Variants in RAB30 observed in about 807,000 individuals in gnomAD.
The protein encoded by RAB30 is RAB30, member RAS oncogene family.
In RAB30, 9 loss-of-function variants were observed where a neutral mutation model predicts 25.1. The ratio of observed to expected loss-of-function variants is 0.36; its 90% confidence interval spans 0.22 to 0.63. The LOEUF is 0.63. Ranked by LOEUF, RAB30 falls within the 20% of genes least tolerant of loss-of-function variation. The pLI is 0.69. For synonymous variants in RAB30, 77 were observed against 86.4 expected, an observed-to-expected ratio of 0.89 and a Z score of 0.60; for missense variants, 140 against 243.5, an observed-to-expected ratio of 0.58 and a Z score of 2.83.
At chr11:83,063,140 G>T (rs1020249397) in intron 1 of RAB30, among the ~76,000 whole-genome samples, 4 of 152,074 alleles carry the variant, frequency 2.6e-5, no homozygotes, top group Admixed American at 6.5e-5. Context: ...CAGGGTTCCT[G>T]TTAGGGCAAA....
intron 1 of RAB30, among the ~76,000 whole-genome samples, chr11:83,044,912 T>G (rs1858203459): frequency 6.6e-6 from 1 of 152,152 alleles, no homozygotes; most frequent in Non-Finnish European, 1.5e-5. Context: ...CTCTACAAAC[T>G]TCATCAGATT....
At chr11:83,064,749 T>C (rs1275661924) in intron 1 of RAB30, among the ~76,000 whole-genome samples, 2 of 152,212 alleles carry the variant, frequency 1.3e-5, no homozygotes, top group Non-Finnish European at 2.9e-5. Flanking sequence ...CAGCTGATCA[T>C]ATACCAATAT....
At chr11:83,010,619 G>A (rs1857282806) in intron 1 of RAB30, among the ~76,000 whole-genome samples, 1 of 152,016 alleles carries the variant, frequency 6.6e-6, no homozygotes, top group Non-Finnish European at 1.5e-5. Flanking sequence ...CATGGGACAG[G>A]TACACATATA....
rs550465903 is a variant in RAB30, at chr11:83,039,503, A to G, written c.-9+32188T>C. On this transcript the variant is annotated intron_variant, in intron 1 of 4. Coordinates refer to ENST00000527633, the MANE Select transcript of RAB30 (RefSeq NM_001286060.2). ...AGACCAGCCTGGGCAACATGGCAAAACTCCATCTCTTCAAAAAATACAAAA... is the reference window on the plus strand; with the variant it reads ...AGACCAGCCTGGGCAACATGGCAAAGCTCCATCTCTTCAAAAAATACAAAA... Among the ~76,000 whole-genome samples the G allele has an allele frequency of 1.7e-4, 26 of 152,162 alleles. No homozygotes were observed. In the South Asian group the frequency reaches 5.4e-3, roughly 32 times the overall value.
chr11:83,027,898 A>G (rs981648948), intron 1 of RAB30, among the ~76,000 whole-genome samples: 2 of 152,126 alleles, frequency 1.3e-5, no homozygotes, highest in Non-Finnish European at 2.9e-5. Context: ...ATGAAATCCT[A>G]CACTCTGTGG....
chr11:83,065,918 C>T (rs1010168866), intron 1 of RAB30, among the ~76,000 whole-genome samples: 4 of 152,138 alleles, frequency 2.6e-5, no homozygotes, highest in African/African-American at 9.7e-5. Flanking sequence ...CGTATGAACT[C>T]CAGCACATAA....
At chr11:83,068,791 T>C (rs926719425) in intron 1 of RAB30, among the ~76,000 whole-genome samples, 1 of 152,214 alleles carries the variant, frequency 6.6e-6, no homozygotes, top group Non-Finnish European at 1.5e-5. Flanking sequence ...CCTCCAAGTC[T>C]CTTGAAGTGT....
chr11:83,010,706 A>G (rs905094569), intron 1 of RAB30, among the ~76,000 whole-genome samples: 2 of 152,206 alleles, frequency 1.3e-5, no homozygotes, highest in African/African-American at 4.8e-5. Context: ...AAAAGCCATA[A>G]AAGAATCCAA....
At chr11:83,019,343 A>G (rs890260757) in intron 1 of RAB30, among the ~76,000 whole-genome samples, 15 of 152,330 alleles carry the variant, frequency 9.8e-5, no homozygotes, top group Admixed American at 2.6e-4. Context: ...TTTTTTTAAA[A>G]AATAACAACT....
chr11:83,028,768 C>T (rs1477751291), intron 1 of RAB30, among the ~76,000 whole-genome samples: 2 of 152,176 alleles, frequency 1.3e-5, no homozygotes, highest in Admixed American at 6.5e-5. Context: ...ATATTCCATG[C>T]ACCGTTTTAT....
chr11:83,038,000 T>C (rs1168031174), intron 1 of RAB30, among the ~76,000 whole-genome samples: 1 of 151,972 alleles, frequency 6.6e-6, no homozygotes, highest in East Asian at 1.9e-4. Context: ...ATAAGCTGCC[T>C]TGGGAGTGGG....
intron 1 of RAB30, among the ~76,000 whole-genome samples, chr11:83,005,045 G>A (rs534406537): frequency 6.6e-6 from 1 of 152,246 alleles, no homozygotes; most frequent in East Asian, 1.9e-4. Flanking sequence ...ACCCACCTGT[G>A]CTGTGGCTGC....
chr11:83,014,670 G>GAAAGA (rs1555035158), intron 1 of RAB30, among the ~76,000 whole-genome samples: 2 of 145,684 alleles, frequency 1.4e-5, no homozygotes, highest in Middle Eastern at 3.3e-3. Context: ...AAGAAAGAAA[G>GAAAGA]AAAGAAAGAA....
intron 1 of RAB30, among the ~76,000 whole-genome samples, chr11:83,019,664 T>C (rs931916680): frequency 6.6e-6 from 1 of 152,228 alleles, no homozygotes. Context: ...AAGTTACTAG[T>C]ACACACAAAT....
chr11:83,032,382 CATT>C (rs1255399221), intron 1 of RAB30, among the ~76,000 whole-genome samples: 19 of 152,160 alleles, frequency 1.2e-4, no homozygotes, highest in African/African-American at 4.3e-4. Context: ...TCAGGATAAT[CATT>C]ATGTCTGGTG....
At position 82,974,974 on chromosome 11, in the gene RAB30, A is replaced by G. The variant is rs892925350; in HGVS notation, c.*7191T>C. 8 of 146,934 alleles carry G rather than the reference A, an allele frequency of 5.4e-5. No individual in the cohort carries two copies. The highest frequency in any genetic ancestry group is 2.0e-4 in the African/African-American group (8 of 40,164). 9.1% of individuals were successfully genotyped at this position (146,934 alleles called of 1,614,324 possible). A position where few individuals can be genotyped will look rare whatever the true frequency, so the allele number is the denominator to read the frequency against. ...TTTTTTTTTTTTTTGCTGAAAACAG[A>G]AATTTTGCTCACGAGTTAGTTCAAA... On this transcript the variant is annotated 3_prime_UTR_variant, in exon 5 of 5. Transcript: ENST00000527633.
intron 1 of RAB30, among the ~76,000 whole-genome samples, chr11:83,063,192 C>A (rs946812599): frequency 6.6e-6 from 1 of 152,078 alleles, no homozygotes; most frequent in Non-Finnish European, 1.5e-5. Context: ...ACCTGCTTCT[C>A]TAAAGAAAAA....
intron 1 of RAB30, among the ~76,000 whole-genome samples, chr11:83,011,335 AT>A (rs1423988292): frequency 6.6e-6 from 1 of 152,200 alleles, no homozygotes; most frequent in Non-Finnish European, 1.5e-5. Context: ...TTACAAAATC[AT>A]TTCAATTTTG....
intron 1 of RAB30, among the ~76,000 whole-genome samples, chr11:83,021,704 C>A (rs148001985): frequency 2.6e-3 from 398 of 152,340 alleles, no homozygotes; most frequent in Admixed American, 4.2e-3. Context: ...GCCCAGAAGG[C>A]CTGAGCAAAA....
Sources: gnomAD v4.1 joint callset for allele counts (sites outside exome capture counted in the v4.1 genomes callset) on GRCh38, gnomAD v4.1.1 for gene constraint, MANE v1.5 for transcripts, NCBI Gene and HGNC (gene_info 2026-07-23, HGNC 2026-07-21) for gene names.